Variants in ZNF34 observed in about 807,000 individuals in gnomAD.
The protein encoded by ZNF34 is zinc finger protein 34 (KOX 32).
Under a neutral mutation model 14.4 loss-of-function variants are expected in ZNF34, and 8 were observed. The ratio of observed to expected loss-of-function variants is 0.55; its 90% confidence interval spans 0.33 to 1.00. ZNF34 has a LOEUF of 1.00. ZNF34 is among the 50% of genes least tolerant of loss of function. The pLI is 0.03. For missense variants in ZNF34, 538 were observed against 674.2 expected (o/e 0.80, Z 2.24); for synonymous variants, 235 against 247.9 (o/e 0.95, Z 0.49).
At chr8:144,786,714 T>C (rs987732491) in intron 1 of ZNF34, among the ~76,000 whole-genome samples, 1 of 151,782 alleles carries the variant, frequency 6.6e-6, no homozygotes, top group Non-Finnish European at 1.5e-5. Context: ...AACAAAAATC[T>C]GGCTGCCTGG....
At chr8:144,785,844 T>G (rs947158989) in intron 1 of ZNF34, among the ~76,000 whole-genome samples, 11 of 151,686 alleles carry the variant, frequency 7.3e-5, no homozygotes, top group African/African-American at 2.4e-4. Flanking sequence ...CATGTGCCTG[T>G]GTAGAAGAAG....
rs544260201 is a variant in ZNF34 at position 144,776,942 on chromosome 8, T to C, written c.280+516A>G. On this transcript the variant is annotated intron_variant, in intron 5 of 5. Coordinates refer to ENST00000429371, the MANE Select transcript of ZNF34 (RefSeq NM_001286769.2). Reference sequence around the variant, plus strand: ...AAAAAAAAAAAAAAAGCAGTGTCAGTACATAACAGTGGAAAGGCCAGTGCT... The same window carrying C: ...AAAAAAAAAAAAAAAGCAGTGTCAGCACATAACAGTGGAAAGGCCAGTGCT... Among the ~76,000 whole-genome samples the C allele has an allele frequency of 3.2e-4, 47 of 148,002 alleles. No individual in the cohort carries two copies. The South Asian group carries it at 1.0e-2, about 31-fold the overall frequency.
At chr8:144,784,498 G>A (rs1487848616) in intron 1 of ZNF34, among the ~76,000 whole-genome samples, 11 of 143,154 alleles carry the variant, frequency 7.7e-5, no homozygotes, top group Admixed American at 2.2e-4. Context: ...GGTGACTCAC[G>A]CCTGTAATCC....
intron 1 of ZNF34, among the ~76,000 whole-genome samples, chr8:144,781,084 G>A (rs546260829): frequency 5.3e-5 from 8 of 150,586 alleles, no homozygotes; most frequent in East Asian, 2.0e-4. Context: ...GCAGTGAGCT[G>A]AGATCGCACC....
In ZNF34 at chr8:144,773,224, G is replaced by C; in HGVS notation, c.*42C>G. The C allele has an allele frequency of 3.2e-6, 5 of 1,551,704 alleles. No individual in the cohort carries two copies. Among genetic ancestry groups the C allele is most frequent in the South Asian group, 1.2e-5 (1 of 81,444 alleles). On this transcript the variant is annotated 3_prime_UTR_variant, in exon 6 of 6. Transcript: ENST00000429371. The surrounding 1 kb of genome is among the most constrained non-coding windows in gnomAD (Gnocchi z 5.4). The stretch of plus-strand genomic sequence containing the variant: ...AGTCAGGTGCCGGGGGCGCATGCAG[G>C]AAGTGCTCAGCTGGACTCTGCCCTC...
intron 1 of ZNF34, among the ~76,000 whole-genome samples, chr8:144,786,176 C>T (rs765178132): frequency 1.4e-4 from 21 of 151,260 alleles, no homozygotes; most frequent in Non-Finnish European, 2.7e-4. Context: ...TTAGTAGAGA[C>T]GGGGTTTCAC....
At position 144,773,371 on chromosome 8, in the gene ZNF34, G is replaced by A. The variant is rs777637780; in HGVS notation, c.1515C>T (p.Thr505=). The A allele has an allele frequency of 5.6e-6, 9 of 1,610,122 alleles. No individual in the cohort carries two copies. The highest frequency in any genetic ancestry group is 2.2e-5 in the East Asian group (1 of 44,694). The change falls in exon 6 of 6, where the codon ACC becomes ACT. Residue 505 remains threonine, a synonymous_variant. Coordinates refer to ENST00000429371, the MANE Select transcript of ZNF34 (RefSeq NM_001286769.2). The surrounding 1 kb of genome is among the most constrained non-coding windows in gnomAD (Gnocchi z 5.4). ...CGCTGCACTTGTAGGGCTTCTCCCC[G>A]GTGTGGATCCTCCGGTGCTGAATCA... ...TYLIQHRRIH[T]GEKPYKCSEC...
At chr8:144,775,525 A>T (rs1385693945) in intron 5 of ZNF34, among the ~76,000 whole-genome samples, 1 of 152,198 alleles carries the variant, frequency 6.6e-6, no homozygotes, top group Non-Finnish European at 1.5e-5. Context: ...ATACAATAGA[A>T]CAATGGCAAC....
At chr8:144,783,659 G>A (rs1373715775) in intron 1 of ZNF34, among the ~76,000 whole-genome samples, 8 of 152,124 alleles carry the variant, frequency 5.3e-5, no homozygotes, top group Non-Finnish European at 1.2e-4. Context: ...TGTATGTAAT[G>A]AACAACATTA....
chr8:144,776,482 C>T (rs1825523930), intron 5 of ZNF34, among the ~76,000 whole-genome samples: 1 of 151,756 alleles, frequency 6.6e-6, no homozygotes, highest in African/African-American at 2.4e-5. Context: ...CACCTGTAGT[C>T]CCAGCTACTC....
chr8:144,780,980 A>G lies in ZNF34; in HGVS notation c.-107-700T>C, dbSNP rs533742336. Among the ~76,000 whole-genome samples the G allele has an allele frequency of 1.1e-4, 16 of 146,382 alleles. No homozygotes were observed. The East Asian group carries it at 3.2e-3, about 29-fold the overall frequency. ...AAACCCTGTCTCTACCGAAAATACA[A>G]AAAAAATTAGCCGGGCGTGGTGGCG... is the stretch of plus-strand genomic sequence containing the variant. On this transcript the variant is annotated intron_variant, in intron 1 of 5. Transcript: ENST00000429371.
intron 1 of ZNF34, among the ~76,000 whole-genome samples, chr8:144,781,175 A>G (rs1825860993): frequency 6.6e-6 from 1 of 151,776 alleles, no homozygotes; most frequent in African/African-American, 2.4e-5. Flanking sequence ...AAATAAAAAT[A>G]AAACACTGCA....
intron 1 of ZNF34, among the ~76,000 whole-genome samples, chr8:144,781,307 C>T (rs1297095560): frequency 1.3e-5 from 2 of 149,936 alleles, no homozygotes; most frequent in African/African-American, 4.9e-5. Flanking sequence ...CTTACTCTGT[C>T]GCCCAGGCTA....
In ZNF34 at chr8:144,777,727, G is replaced by T; in HGVS notation, c.161-150C>A. 9.6e-7 allele frequency: 1 copy of T among 1,044,082 alleles called. No individual in the cohort carries two copies. The highest frequency in any genetic ancestry group is 1.6e-5 in the South Asian group (1 of 61,108). 64.7% of individuals were successfully genotyped at this position (1,044,082 alleles called of 1,614,324 possible). A position where few individuals can be genotyped will look rare whatever the true frequency, so the allele number is the denominator to read the frequency against. ...TCTGGAGGGCACTGAGATTGGGCTG[G>T]GGCAGTCCTGAGCATAAGGGAATGA... is the stretch of plus-strand genomic sequence containing the variant. On this transcript the variant is annotated intron_variant, in intron 4 of 5. Transcript: ENST00000429371. This position sits in a 1 kb window ranked among gnomAD's most constrained non-coding sequence, Gnocchi z 4.8.
chr8:144,774,303 CACGCTT>C lies in ZNF34; in HGVS notation c.577_582del (p.Lys193_Arg194del). ...GTATTTGTTTTTTTTGACCTGTGTACACGCTTATGGTTGTTGAGATATGATCTCTGT... is the reference window on the plus strand; with the variant it reads ...GTATTTGTTTTTTTTGACCTGTGTACATGGTTGTTGAGATATGATCTCTGT... On this transcript the variant is annotated inframe_deletion, in exon 6 of 6. Coordinates refer to ENST00000429371, the MANE Select transcript of ZNF34 (RefSeq NM_001286769.2). 6.2e-7 allele frequency: 1 copy of C among 1,612,858 alleles called. No homozygotes were observed. The highest frequency in any genetic ancestry group is 8.5e-7 in the Non-Finnish European group (1 of 1,179,356).
At chr8:144,782,321 A>C (rs1825937853) in intron 1 of ZNF34, among the ~76,000 whole-genome samples, 1 of 151,812 alleles carries the variant, frequency 6.6e-6, no homozygotes. Flanking sequence ...ACTCCGACAC[A>C]AAACAAAACA....
At chr8:144,785,511 T>A (rs1826173564) in intron 1 of ZNF34, 1 of 152,188 alleles carries the variant, frequency 6.6e-6, no homozygotes, top group African/African-American at 2.4e-5. Context: ...AAAACTCCTG[T>A]GCTGATCAGT....
In ZNF34 at chr8:144,773,983, G is replaced by A. The variant is rs1024304244; in HGVS notation, c.903C>T (p.Leu301=). The stretch of plus-strand genomic sequence containing the variant: ...CAGTGTGAATCCTCTGGTGCTTCAT[G>A]AGGTTGGGCCTCCGGGTGAATGTCT... The part of the protein sequence containing the change: ...CGKTFTRRPN[L]MKHQRIHTGE... The change falls in exon 6 of 6, where the codon CTC becomes CTT. Residue 301 remains leucine, a synonymous_variant. Transcript: ENST00000429371. The surrounding 1 kb of genome is among the most constrained non-coding windows in gnomAD (Gnocchi z 5.4). The A allele has an allele frequency of 1.2e-5, 20 of 1,613,988 alleles. No homozygotes were observed. In the East Asian group the frequency reaches 2.9e-4, roughly 23 times the overall value.
In ZNF34 at chr8:144,778,222, G is replaced by A. The variant is rs536623320; in HGVS notation, c.34-58C>T. The A allele has an allele frequency of 2.6e-5, 41 of 1,567,384 alleles. No individual in the cohort carries two copies. The South Asian group carries it at 3.0e-4, about 11-fold the overall frequency. On this transcript the variant is annotated intron_variant, in intron 3 of 5. Coordinates refer to ENST00000429371, the MANE Select transcript of ZNF34 (RefSeq NM_001286769.2). ...TGGTCCAGAGTGGGCTGGTAGGGGC[G>A]GGGAGGCAGCAGAAGCATGCTAAAG...
Sources: gnomAD v4.1 joint callset for allele counts (sites outside exome capture counted in the v4.1 genomes callset) on GRCh38, gnomAD v4.1.1 for gene constraint, Gnocchi (gnomAD v3.1) non-coding constraint, MANE v1.5 for transcripts, NCBI Gene and HGNC (gene_info 2026-07-23, HGNC 2026-07-21) for gene names.